MGARP: variants seen among roughly 807,000 people sequenced by gnomAD.
The protein encoded by MGARP is protein MGARP.
MGARP carries 12 observed loss-of-function variants against 11.0 expected under a neutral mutation model. The ratio of observed to expected loss-of-function variants is 1.09; its 90% CI spans 0.70 to 1.77. The LOEUF is 1.77. Among genes scored for constraint, MGARP ranks in the 40% most tolerant of loss-of-function variants. MGARP has a pLI of 0.00. For missense variants in MGARP, 283 were observed against 297.8 expected (o/e 0.95, Z 0.36); for synonymous variants, 110 against 115.4 (o/e 0.95, Z 0.30).
chr4:139,278,982 TG>T (rs1744914955), intron 1 of MGARP, among the ~76,000 whole-genome samples: 2 of 151,946 alleles, frequency 1.3e-5, no homozygotes, highest in Non-Finnish European at 2.9e-5. Flanking sequence ...AATCGGCCCA[TG>T]GAATTCTCCG....
At chr4:139,269,512 C>T (rs1414389532) in intron 2 of MGARP, among the ~76,000 whole-genome samples, 1 of 151,582 alleles carries the variant, frequency 6.6e-6, no homozygotes, top group Non-Finnish European at 1.5e-5. Context: ...TCGCCTGTAG[C>T]CCTAGCTACT....
At chr4:139,273,425 G>A (rs11736087) in intron 2 of MGARP, among the ~76,000 whole-genome samples, 3,008 of 151,176 alleles carry the variant, frequency 0.02, 45 homozygotes, top group Non-Finnish European at 0.03. Context: ...GTCTCACTGT[G>A]TTCCCCAGAC....
chr4:139,278,289 T>A (rs759328267), intron 1 of MGARP, among the ~76,000 whole-genome samples: 3 of 152,178 alleles, frequency 2.0e-5, no homozygotes, highest in Non-Finnish European at 2.9e-5. Context: ...TGAGACACAG[T>A]TAAAAATTTT....
chr4:139,277,835 T>G (rs555813300), intron 1 of MGARP, among the ~76,000 whole-genome samples: 43 of 152,312 alleles, frequency 2.8e-4, no homozygotes, highest in Non-Finnish European at 4.7e-4. Flanking sequence ...ATTAGTTGTG[T>G]TCACTGAGTG....
chr4:139,278,114 C>G (rs962375610), intron 1 of MGARP, among the ~76,000 whole-genome samples: 2 of 152,100 alleles, frequency 1.3e-5, no homozygotes, highest in Non-Finnish European at 2.9e-5. Context: ...GTAATCCCAG[C>G]TACTCCGGAG....
In MGARP at chr4:139,280,124, G is replaced by A. The variant is rs763327750; in HGVS notation, c.35C>T (p.Ala12Val). 4 of 1,611,860 alleles carry A rather than the reference G, an allele frequency of 2.5e-6. No individual in the cohort carries two copies. Among genetic ancestry groups the A allele is most frequent in the African/African-American group, 2.7e-5 (2 of 75,020 alleles). Reference protein sequence around the residue: ...YLRRAVSKTLALPLRAPPNPA... With the variant: ...YLRRAVSKTLVLPLRAPPNPA... Reference sequence around the variant, plus strand: ...GTTGGGGGGCGCCCTCAGCGGCAGCGCCAGAGTCTTGGAGACCGCCCTGCG... The same window carrying A: ...GTTGGGGGGCGCCCTCAGCGGCAGCACCAGAGTCTTGGAGACCGCCCTGCG... The change falls in exon 1 of 4, where the codon GCG becomes GTG. Residue 12 changes from alanine to valine, a missense_variant. Transcript: ENST00000398955.
intron 2 of MGARP, among the ~76,000 whole-genome samples, chr4:139,270,411 C>A (rs543779329): frequency 1.3e-5 from 2 of 151,104 alleles, no homozygotes; most frequent in African/African-American, 4.9e-5. Context: ...AGATGGAGAC[C>A]ATCCTGGCTA....
intron 1 of MGARP, among the ~76,000 whole-genome samples, chr4:139,278,063 A>G (rs1744898315): frequency 6.6e-6 from 1 of 152,092 alleles, no homozygotes; most frequent in African/African-American, 2.4e-5. Flanking sequence ...CCCCATCTCT[A>G]CTAAAAATGC....
At chr4:139,273,148 T>C (rs1413258833) in intron 2 of MGARP, among the ~76,000 whole-genome samples, 3 of 152,162 alleles carry the variant, frequency 2.0e-5, no homozygotes, top group African/African-American at 7.2e-5. Context: ...GCAATTCTCC[T>C]GCCTTGGCCT....
At chr4:139,278,184 G>T (rs1744901661) in intron 1 of MGARP, among the ~76,000 whole-genome samples, 1 of 152,076 alleles carries the variant, frequency 6.6e-6, no homozygotes, top group Non-Finnish European at 1.5e-5. Context: ...CCGAGATCAC[G>T]CCATTGCACT....
rs943906597 is a variant in MGARP at position 139,268,834 on chromosome 4, C to T, written c.187-69G>A. On this transcript the variant is annotated intron_variant, in intron 2 of 3. Transcript: ENST00000398955. ...ATTTGTCACGCCACATCCAAAGGTA[C>T]ACTCAAGTCTCCCTGTAATCACCAT... The T allele has an allele frequency of 1.4e-5, 16 of 1,150,572 alleles. No homozygotes were observed. In the African/African-American group the frequency reaches 2.3e-4, roughly 17 times the overall value. 71.3% of individuals were successfully genotyped at this position (1,150,572 alleles called of 1,614,324 possible). A position where few individuals can be genotyped will look rare whatever the true frequency, so the allele number is the denominator to read the frequency against.
At chr4:139,277,250 T>C (rs1272131244) in intron 1 of MGARP, among the ~76,000 whole-genome samples, 1 of 152,220 alleles carries the variant, frequency 6.6e-6, no homozygotes, top group African/African-American at 2.4e-5. Context: ...AGGGCGAATC[T>C]TAAGGCATGC....
At position 139,267,025 on chromosome 4, in the gene MGARP, AAC is replaced by A; in HGVS notation, c.295_296del (p.Val99CysfsTer4). 2 of 1,613,346 alleles carry A rather than the reference AAC, an allele frequency of 1.2e-6. No individual in the cohort carries two copies. The highest frequency in any genetic ancestry group is 1.7e-6 in the Non-Finnish European group (2 of 1,179,580). On this transcript the variant is annotated frameshift_variant, in exon 4 of 4. Coordinates refer to ENST00000398955, the MANE Select transcript of MGARP (RefSeq NM_032623.4). LOFTEE classifies it low-confidence loss of function (END_TRUNC). ...IHPFQGEKENVAETEKASSEA... is the reference protein window; with the variant it reads ...IHPFQGEKENXAETEKASSEA... Reference sequence around the variant, plus strand: ...CTGAACTTGCTTTCTCAGTTTCCGCAACATTCTCCTTTTCACCTTTAAGAATT... The same window carrying A: ...CTGAACTTGCTTTCTCAGTTTCCGCAATTCTCCTTTTCACCTTTAAGAATT...
intron 2 of MGARP, among the ~76,000 whole-genome samples, chr4:139,269,383 C>A (rs1430666646): frequency 6.6e-6 from 1 of 152,026 alleles, no homozygotes; most frequent in African/African-American, 2.4e-5. Context: ...AATCCCAGCA[C>A]TTTGGGAGGC....
intron 2 of MGARP, among the ~76,000 whole-genome samples, chr4:139,271,516 C>T (rs1579047693): frequency 1.3e-5 from 2 of 152,166 alleles, no homozygotes; most frequent in East Asian, 3.9e-4. Flanking sequence ...ACAAGAGATA[C>T]CCAGACCCTC....
rs1471943330 is a variant in MGARP, at chr4:139,266,828, G to A, written c.494C>T (p.Ala165Val). The A allele has an allele frequency of 6.2e-7, 1 of 1,613,626 alleles. No homozygotes were observed. The highest frequency in any genetic ancestry group is 8.5e-7 in the Non-Finnish European group (1 of 1,180,034). Residue 165 changes from alanine to valine, a missense_variant, in exon 4 of 4, where the codon GCG becomes GTG. By Grantham distance (64) the Ala-to-Val change is moderately conservative. Coordinates refer to ENST00000398955, the MANE Select transcript of MGARP (RefSeq NM_032623.4). ...ETGPEVTDAA[A>V]RETTEVNPET... ...AGGGTTTACTTCCGTGGTTTCCCTCGCCGCTGCATCTGTGACCTCTGGCCC... is the reference window on the plus strand; with the variant it reads ...AGGGTTTACTTCCGTGGTTTCCCTCACCGCTGCATCTGTGACCTCTGGCCC...
intron 2 of MGARP, among the ~76,000 whole-genome samples, chr4:139,272,484 G>A (rs1335143854): frequency 2.0e-5 from 3 of 149,886 alleles, no homozygotes; most frequent in East Asian, 2.0e-4. Flanking sequence ...GCGTGAACCC[G>A]GGAGGTGGAG....
intron 1 of MGARP, 27 bp downstream of exon 1, chr4:139,280,050 C>T: frequency 6.2e-7 from 1 of 1,610,388 alleles, no homozygotes; most frequent in African/African-American, 1.3e-5. Context: ...GCCCGTCCTC[C>T]TCTCCGGGCT....
chr4:139,272,090 G>A lies in MGARP; in HGVS notation c.186+3199C>T, dbSNP rs565266443. On this transcript the variant is annotated intron_variant, in intron 2 of 3. Transcript: ENST00000398955. ...TTTTTGGTGGCCTACACCTCAACTA[G>A]AGTGGGTTTGAGCCATGAATTCAAC... Among the ~76,000 whole-genome samples the A allele has an allele frequency of 2.0e-5, 3 of 151,386 alleles. No homozygotes were observed. In the East Asian group the frequency reaches 5.8e-4, roughly 29 times the overall value.
Sources: allele counts gnomAD v4.1 joint callset (sites outside exome capture counted in the v4.1 genomes callset), GRCh38; gene constraint gnomAD v4.1.1; transcripts MANE v1.5; gene names NCBI Gene and HGNC (gene_info 2026-07-23, HGNC 2026-07-21).